The following GPR63 variants were observed in gnomAD, a reference collection of about 807,000 sequenced individuals.
The protein encoded by GPR63 is probable G protein-coupled receptor 63.
GPR63 carries 12 observed loss-of-function variants against 23.1 expected under a neutral mutation model. That is an observed-to-expected ratio of 0.52 (90% CI 0.33 to 0.84). GPR63 has a LOEUF of 0.84. Among genes scored for constraint, GPR63 ranks in the 40% least tolerant of loss-of-function variants. GPR63 has a pLI of 0.02. For missense variants in GPR63, 472 were observed against 515.6 expected (o/e 0.92, Z 0.82); for synonymous variants, 172 against 191.1 (o/e 0.90, Z 0.82).
chr6:96,795,803 T>TA lies in GPR63; in HGVS notation c.*2668dup, dbSNP rs2127937237. On this transcript the variant is annotated 3_prime_UTR_variant, in exon 2 of 2. Coordinates refer to ENST00000229955, the MANE Select transcript of GPR63 (RefSeq NM_030784.4). ...TGACTTTCCTCAGAGAAAAGTCTAA[T>TA]AAAAAATGTCCTTATCAATATCTGC... 2 of 152,298 alleles carry TA rather than the reference T, an allele frequency of 1.3e-5. No homozygotes were observed. The highest frequency in any genetic ancestry group is 1.3e-4 in the Admixed American group (2 of 15,298). The allele number at this position is 152,298 out of a possible 1,614,324, so 9.4% of individuals were successfully genotyped here.
chr6:96,831,923 T>A (rs1313723947), intron 1 of GPR63, among the ~76,000 whole-genome samples: 2 of 151,242 alleles, frequency 1.3e-5, no homozygotes, highest in Non-Finnish European at 2.9e-5. Context: ...AAATAAAAAA[T>A]AAATAAATAA....
At chr6:96,818,557 A>G (rs1189797280) in intron 1 of GPR63, among the ~76,000 whole-genome samples, 2 of 152,256 alleles carry the variant, frequency 1.3e-5, no homozygotes, top group Non-Finnish European at 2.9e-5. Context: ...TTTATAAAAT[A>G]GAATGCTGTA....
At chr6:96,831,710 C>G (rs934297128) in intron 1 of GPR63, among the ~76,000 whole-genome samples, 7 of 152,006 alleles carry the variant, frequency 4.6e-5, no homozygotes, top group African/African-American at 1.7e-4. Flanking sequence ...AGTTCAAGAC[C>G]AGCCTAACCA....
chr6:96,828,817 A>G (rs1254781117), intron 1 of GPR63, among the ~76,000 whole-genome samples: 4 of 152,174 alleles, frequency 2.6e-5, no homozygotes, highest in African/African-American at 9.6e-5. Flanking sequence ...AAGTAGGGAA[A>G]GGTGTGTCAA....
intron 1 of GPR63, among the ~76,000 whole-genome samples, chr6:96,809,947 T>C (rs374205786): frequency 6.6e-6 from 1 of 152,212 alleles, no homozygotes; most frequent in Non-Finnish European, 1.5e-5. Flanking sequence ...TAACATATTA[T>C]AACCATAATC....
chr6:96,828,156 C>T (rs528661740), intron 1 of GPR63, among the ~76,000 whole-genome samples: 1 of 152,180 alleles, frequency 6.6e-6, no homozygotes, highest in East Asian at 1.9e-4. Context: ...TCTCACAGTT[C>T]TGGGGGCTAG....
At chr6:96,804,477 A>T (rs1237180617) in intron 1 of GPR63, among the ~76,000 whole-genome samples, 1 of 152,198 alleles carries the variant, frequency 6.6e-6, no homozygotes, top group South Asian at 2.1e-4. Flanking sequence ...ATATTTAGAT[A>T]ACTAAATTCA....
chr6:96,810,474 G>A (rs1457332643), intron 1 of GPR63, among the ~76,000 whole-genome samples: 5 of 148,516 alleles, frequency 3.4e-5, no homozygotes, highest in African/African-American at 5.0e-5. Context: ...CAGCGCAGGC[G>A]ACAGTGCGAG....
Position 96,806,305 on chromosome 6 carries a change from C to T in GPR63, c.-150-6424G>A, listed in dbSNP as rs144068754. On this transcript the variant is annotated intron_variant, in intron 1 of 1. Transcript: ENST00000229955. ...CAAGATATCCCTTCCAAAGTGATAG[C>T]TCTCTTGCCTACCACTAATACAGAG... 3.3e-3 allele frequency among the ~76,000 whole-genome samples: 510 copies of T among 152,328 alleles called. 2 individuals carry two copies. The highest frequency in any genetic ancestry group is 0.012 in the African/African-American group (491 of 41,582).
rs962044113 is a variant in GPR63, at chr6:96,794,672, T to A, written c.*3800A>T. On this transcript the variant is annotated 3_prime_UTR_variant, in exon 2 of 2. Coordinates refer to ENST00000229955, the MANE Select transcript of GPR63 (RefSeq NM_030784.4). ...GCATTGAACACAACTGGCAGAGCAA[T>A]AGGAATTAGATAAATCTTTACATTC... is the stretch of plus-strand genomic sequence containing the variant. 1 of 152,184 alleles carries A rather than the reference T, an allele frequency of 6.6e-6. No individual in the cohort carries two copies. Among genetic ancestry groups the A allele is most frequent in the East Asian group, 1.9e-4 (1 of 5,192 alleles). The allele number at this position is 152,184 out of a possible 1,614,324, so 9.4% of individuals were successfully genotyped here. A position where few individuals can be genotyped will look rare whatever the true frequency, so the allele number is the denominator to read the frequency against.
At chr6:96,815,114 C>T (rs1774131221) in intron 1 of GPR63, among the ~76,000 whole-genome samples, 1 of 152,168 alleles carries the variant, frequency 6.6e-6, no homozygotes, top group Non-Finnish European at 1.5e-5. Flanking sequence ...CACTTCAACT[C>T]CTTCAAAATG....
chr6:96,832,215 ATTC>A (rs1272156916), intron 1 of GPR63, among the ~76,000 whole-genome samples: 7 of 151,962 alleles, frequency 4.6e-5, no homozygotes, highest in Non-Finnish European at 1.0e-4. Flanking sequence ...TCTGGGTATA[ATTC>A]TTCTTTTCTT....
chr6:96,812,480 G>C (rs1774068177), intron 1 of GPR63, among the ~76,000 whole-genome samples: 1 of 152,154 alleles, frequency 6.6e-6, no homozygotes, highest in South Asian at 2.1e-4. Context: ...CAGAGAATAT[G>C]CTAAGTGACT....
At chr6:96,810,224 G>C (rs558282647) in intron 1 of GPR63, among the ~76,000 whole-genome samples, 39 of 152,210 alleles carry the variant, frequency 2.6e-4, no homozygotes, top group African/African-American at 9.2e-4. Context: ...ACTGGGGCGC[G>C]GTGGCTCACA....
At position 96,794,767 on chromosome 6, in the gene GPR63, G is replaced by A. The variant is rs1439965675; in HGVS notation, c.*3705C>T. On this transcript the variant is annotated 3_prime_UTR_variant, in exon 2 of 2. Coordinates refer to ENST00000229955, the MANE Select transcript of GPR63 (RefSeq NM_030784.4). ...AAAATATGAGCATAATTAGACTGCTGAAAGTCATGACTTTCAATTAAGTCA... is the reference window on the plus strand; with the variant it reads ...AAAATATGAGCATAATTAGACTGCTAAAAGTCATGACTTTCAATTAAGTCA... The A allele has an allele frequency of 1.3e-5, 2 of 152,136 alleles. No individual in the cohort carries two copies. The highest frequency in any genetic ancestry group is 2.9e-5 in the Non-Finnish European group (2 of 68,030). The allele number at this position is 152,136 out of a possible 1,614,324, so 9.4% of individuals were successfully genotyped here.
intron 1 of GPR63, among the ~76,000 whole-genome samples, chr6:96,804,709 C>CT (rs1377697080): frequency 6.6e-6 from 1 of 151,940 alleles, no homozygotes; most frequent in Non-Finnish European, 1.5e-5. Flanking sequence ...GAAGAAATTA[C>CT]TTTTTGGTTT....
At chr6:96,836,676 G>A (rs1179132540) in intron 1 of GPR63, among the ~76,000 whole-genome samples, 2 of 152,080 alleles carry the variant, frequency 1.3e-5, no homozygotes, top group Non-Finnish European at 2.9e-5. Flanking sequence ...AAGGGGCAGA[G>A]GAGAAAAGAC....
rs1266170614 is a variant in GPR63 at position 96,814,139 on chromosome 6, T to C, written c.-150-14258A>G. On this transcript the variant is annotated intron_variant, in intron 1 of 1. Coordinates refer to ENST00000229955, the MANE Select transcript of GPR63 (RefSeq NM_030784.4). ...GTTCAATCTCCAACTTTATATCTAA[T>C]ACATACAATATTATATATGTATAAA... Among the ~76,000 whole-genome samples, 3 of 152,152 alleles carry C rather than the reference T, an allele frequency of 2.0e-5. No homozygotes were observed. The East Asian group carries it at 5.8e-4, about 29-fold the overall frequency.
intron 1 of GPR63, among the ~76,000 whole-genome samples, chr6:96,806,497 C>T (rs1251028356): frequency 6.6e-6 from 1 of 152,194 alleles, no homozygotes; most frequent in Admixed American, 6.5e-5. Flanking sequence ...GAAAGCTGCT[C>T]TGCCACTGAG....
Sources: allele counts gnomAD v4.1 joint callset (sites outside exome capture counted in the v4.1 genomes callset), GRCh38; gene constraint gnomAD v4.1.1; transcripts MANE v1.5; gene names NCBI Gene and HGNC (gene_info 2026-07-23, HGNC 2026-07-21).